The following HIVEP1 variants were observed in gnomAD, a reference collection of about 807,000 sequenced individuals.
HIVEP1 encodes the protein zinc finger protein 40.
Under a neutral mutation model 180.0 loss-of-function variants are expected in HIVEP1, and 36 were observed. The ratio of observed to expected loss-of-function variants is 0.20; its 90% CI spans 0.15 to 0.26. HIVEP1 has a LOEUF of 0.26. Among genes scored for constraint, HIVEP1 ranks in the 10% least tolerant of loss-of-function variants. The pLI is 1.00. For synonymous variants in HIVEP1, 1,239 were observed against 1,239.0 expected, an observed-to-expected ratio of 1.00 and a Z score of 0.00; for missense variants, 3,143 against 3,268.7, an observed-to-expected ratio of 0.96 and a Z score of 0.94.
At chr6:12,205,849 A>G in the HIVEP1 span, among the ~76,000 whole-genome samples, 1 of 152,158 alleles carries the variant, frequency 6.6e-6, no homozygotes, top group Non-Finnish European at 1.5e-5. Context: ...ACCCAGGTCT[A>G]TGTGACCCTG....
At chr6:12,022,194 G>A (rs965964491) in intron 2 of HIVEP1, among the ~76,000 whole-genome samples, 5 of 149,742 alleles carry the variant, frequency 3.3e-5, no homozygotes, top group African/African-American at 9.9e-5. Context: ...TTTTTGAGAC[G>A]GAGTTTCACT....
chr6:12,114,726 A>G (rs1775112844), intron 3 of HIVEP1, among the ~76,000 whole-genome samples: 1 of 152,238 alleles, frequency 6.6e-6, no homozygotes, highest in Non-Finnish European at 1.5e-5. Context: ...CTGTGCCATA[A>G]TTAGCCTAAC....
Position 12,161,787 on chromosome 6 carries a change from A to G in HIVEP1, c.6836A>G (p.Gln2279Arg). 1 of 1,614,232 alleles carries G rather than the reference A, an allele frequency of 6.2e-7. No individual in the cohort carries two copies. Among genetic ancestry groups the G allele is most frequent in the Non-Finnish European group, 8.5e-7 (1 of 1,180,026 alleles). Residue 2279 changes from glutamine (Q) to arginine (R), a missense_variant, in exon 8 of 9, where the codon CAG becomes CGG. Physicochemically the swap from Gln to Arg is conservative, Grantham distance 43. This residue lies in a region of HIVEP1 where 595 missense variants were observed against 602.2 expected (regional missense o/e 0.99). Transcript: ENST00000379388. ...ACACTCTCTCCGGGGAAGGCCAGGC[A>G]GCGTGCTGCGAGAGATGAAAACGAC... ...RKTLSPGKAR[Q>R]RAARDENDTI...
intron 1 of HIVEP1, among the ~76,000 whole-genome samples, chr6:12,014,056 A>G (rs1767578433): frequency 6.6e-6 from 1 of 152,212 alleles, no homozygotes; most frequent in African/African-American, 2.4e-5. Flanking sequence ...TTTTTGTGTG[A>G]CAGGCAAAGC....
intron 2 of HIVEP1, among the ~76,000 whole-genome samples, chr6:12,080,978 T>A (rs893630531): frequency 1.3e-5 from 2 of 152,088 alleles, no homozygotes; most frequent in Non-Finnish European, 1.5e-5. Flanking sequence ...TCCCTCTATC[T>A]CTGGGCGCTC....
chr6:12,135,725 C>T lies in HIVEP1; in HGVS notation c.6386-66C>T. The T allele has an allele frequency of 3.1e-6, 3 of 973,412 alleles. No individual in the cohort carries two copies. The Middle Eastern group carries it at 6.5e-4, about 212-fold the overall frequency. The allele number at this position is 973,412 out of a possible 1,614,324, so 60.3% of individuals were successfully genotyped here. Reference sequence around the variant, plus strand: ...TTGCTTGAATAGGAATGAAATTTGCCAGTGTTTACAAATGCAATAGCAAAA... The same window carrying T: ...TTGCTTGAATAGGAATGAAATTTGCTAGTGTTTACAAATGCAATAGCAAAA... On this transcript the variant is annotated intron_variant, in intron 6 of 8. Transcript: ENST00000379388.
At chr6:12,128,242 A>G (rs184933318) in intron 4 of HIVEP1, among the ~76,000 whole-genome samples, 225 of 152,320 alleles carry the variant, frequency 1.5e-3, no homozygotes, top group African/African-American at 5.3e-3. Flanking sequence ...GCGGAAGCCA[A>G]TCTGTTTGCC....
chr6:12,062,039 T>C (rs1459256567), intron 2 of HIVEP1, among the ~76,000 whole-genome samples: 1 of 152,208 alleles, frequency 6.6e-6, no homozygotes, highest in East Asian at 1.9e-4. Context: ...CATTGACTGC[T>C]TAATGCATAT....
At chr6:12,099,417 C>T (rs1023594912) in intron 3 of HIVEP1, among the ~76,000 whole-genome samples, 1 of 152,054 alleles carries the variant, frequency 6.6e-6, no homozygotes, top group Non-Finnish European at 1.5e-5. Context: ...CCGCCCGCCT[C>T]GGCCTCCCAA....
chr6:12,013,768 C>T (rs1164854481), intron 1 of HIVEP1, among the ~76,000 whole-genome samples: 2 of 152,140 alleles, frequency 1.3e-5, no homozygotes, highest in Non-Finnish European at 2.9e-5. Flanking sequence ...AGCTGAGAAA[C>T]CCTATCTTTT....
At chr6:12,127,123 A>G (rs1758124161) in intron 4 of HIVEP1, among the ~76,000 whole-genome samples, 1 of 152,182 alleles carries the variant, frequency 6.6e-6, no homozygotes, top group Non-Finnish European at 1.5e-5. Flanking sequence ...GGCCTCCCAA[A>G]GTGCTGGGAT....
intron 3 of HIVEP1, among the ~76,000 whole-genome samples, chr6:12,117,053 A>G (rs940807643): frequency 3.3e-5 from 5 of 152,358 alleles, no homozygotes; most frequent in African/African-American, 1.2e-4. Context: ...TCAGTTGTCA[A>G]CATAAGAGAA....
At chr6:12,207,766 T>TAATAATAATAATAATAATAATAAA in the HIVEP1 span, among the ~76,000 whole-genome samples, 1 of 149,610 alleles carries the variant, frequency 6.7e-6, no homozygotes, top group Non-Finnish European at 1.5e-5. Flanking sequence ...ATAATAATAA[T>TAATAATAATAATAATAATAATAAA]TAGCCAGGTG....
At chr6:12,081,499 A>G (rs947160655) in intron 2 of HIVEP1, among the ~76,000 whole-genome samples, 2 of 152,066 alleles carry the variant, frequency 1.3e-5, no homozygotes, top group African/African-American at 2.4e-5. Context: ...CCTTTCACCT[A>G]ACATTCCTTC....
At chr6:12,112,588 G>A (rs1472765858) in intron 3 of HIVEP1, among the ~76,000 whole-genome samples, 3 of 151,922 alleles carry the variant, frequency 2.0e-5, no homozygotes, top group Admixed American at 6.6e-5. Context: ...TGCTTATGGC[G>A]GGGACTGGGA....
At chr6:12,060,004 A>G (rs75660922) in intron 2 of HIVEP1, among the ~76,000 whole-genome samples, 3,873 of 152,310 alleles carry the variant, frequency 0.025, 174 homozygotes, top group African/African-American at 0.088. Context: ...TCATGTAAAC[A>G]TAACTGTTTT....
At chr6:12,183,130 T>C in the HIVEP1 span, among the ~76,000 whole-genome samples, 1 of 152,196 alleles carries the variant, frequency 6.6e-6, no homozygotes, top group African/African-American at 2.4e-5. Context: ...AAAAATGATT[T>C]TTTTTAATTC....
chr6:12,015,744 G>A, intron 2 of HIVEP1, 76 bp downstream of exon 2: 1 of 1,376,704 alleles, frequency 7.3e-7, no homozygotes, highest in Non-Finnish European at 1.0e-6. Flanking sequence ...GACAGGAATG[G>A]CCGTTTGTTA....
chr6:12,154,973 A>G (rs770537050), intron 7 of HIVEP1, among the ~76,000 whole-genome samples: 33 of 151,740 alleles, frequency 2.2e-4, no homozygotes, highest in Admixed American at 7.2e-4. Context: ...TCTTTTTTCA[A>G]TGTCATCATT....
Sources: gnomAD v4.1 joint callset for allele counts (sites outside exome capture counted in the v4.1 genomes callset) on GRCh38, gnomAD v4.1.1 for gene constraint, gnomAD v4.1.1 regional missense constraint, MANE v1.5 for transcripts, NCBI Gene and HGNC (gene_info 2026-07-23, HGNC 2026-07-21) for gene names.